The following BRIP1 variants were observed in gnomAD, a reference collection of about 807,000 sequenced individuals.
BRIP1 encodes BRCA1 interacting DNA helicase 1, also known as Fanconi anemia group J protein.
In BRIP1, 88 loss-of-function variants were observed where a neutral mutation model predicts 119.7. The observed-to-expected ratio is 0.74, with a 90% confidence interval of 0.62 to 0.88. The LOEUF (loss-of-function observed/expected upper bound fraction) is 0.88, where lower values mean the gene tolerates loss of function less well. Ranked by LOEUF, BRIP1 falls within the 40% of genes least tolerant of loss-of-function variation. The pLI, the probability that BRIP1 is intolerant of heterozygous loss-of-function variation, is 0.00. For missense variants in BRIP1, 1,259 were observed against 1,455.4 expected (o/e 0.87, Z 2.20); for synonymous variants, 443 against 496.5 (o/e 0.89, Z 1.43).
intron 6 of BRIP1, among the ~76,000 whole-genome samples, chr17:61,826,269 G>A (rs1478632423): frequency 6.6e-6 from 1 of 152,108 alleles, no homozygotes; most frequent in African/African-American, 2.4e-5. Flanking sequence ...AGACTTAAAT[G>A]TAAAACAAAA....
rs1413475803 is a variant in BRIP1 at position 61,760,445 on chromosome 17, T to C, written c.2098-15854A>G. On this transcript the variant is annotated intron_variant, in intron 14 of 19. Coordinates refer to ENST00000259008, the MANE Select transcript of BRIP1 (RefSeq NM_032043.3). This position sits in a 1 kb window ranked among gnomAD's most constrained non-coding sequence, Gnocchi z 4.6. ...GAAAGAAGTAATAAAGATCAGAGAA[T>C]AAATAAATAAAGTAGAGACTAGGAA... is the stretch of plus-strand genomic sequence containing the variant. Among the ~76,000 whole-genome samples, 2 of 151,114 alleles carry C rather than the reference T, an allele frequency of 1.3e-5. No homozygotes were observed. Among genetic ancestry groups the C allele is most frequent in the Non-Finnish European group, 3.0e-5 (2 of 67,660 alleles).
chr17:61,847,056 C>A (rs2078744036), intron 6 of BRIP1, 45 bp downstream of exon 6: 1 of 1,610,848 alleles, frequency 6.2e-7, no homozygotes, highest in South Asian at 1.1e-5. Flanking sequence ...TTAGAAAATT[C>A]CATATCTTCC....
In BRIP1 at chr17:61,784,279, T is replaced by A. The variant is rs4988349; in HGVS notation, c.1619A>T (p.Gln540Leu). Residue 540 changes from glutamine (Q) to leucine (L), a missense_variant, in exon 11 of 20, where the codon CAA (glutamine) becomes CTA (leucine). Around this residue, in one of 3 missense-constraint regions of BRIP1, gnomAD observed 753 missense variants for 891.8 expected, o/e 0.84. Transcript: ENST00000259008. ...AGTTATCTTCACTTACCTGCTATTT[T>A]GCCTAAAAAGATAGTCAAGTACCAT... ...LFMVLDYLFR[Q>L]NSRFADDYKI... 1.7e-5 allele frequency: 28 copies of A among 1,612,486 alleles called. No individual in the cohort carries two copies. The highest frequency in any genetic ancestry group is 4.2e-6 in the Non-Finnish European group (5 of 1,179,084).
chr17:61,788,000 T>G (rs891539912), intron 10 of BRIP1, among the ~76,000 whole-genome samples: 14 of 151,916 alleles, frequency 9.2e-5, no homozygotes, highest in African/African-American at 3.4e-4. Flanking sequence ...TGAGACAGCA[T>G]AGTAAGAAAT....
chr17:61,786,029 C>G (rs2077700208), intron 10 of BRIP1, among the ~76,000 whole-genome samples: 1 of 151,966 alleles, frequency 6.6e-6, no homozygotes, highest in Non-Finnish European at 1.5e-5. Flanking sequence ...AAAATATAAT[C>G]AAGTAAGCTA....
intron 11 of BRIP1, among the ~76,000 whole-genome samples, chr17:61,783,296 G>A (rs2077651400): frequency 6.6e-6 from 1 of 152,088 alleles, no homozygotes; most frequent in Admixed American, 6.6e-5. Context: ...AAATAAGCCA[G>A]ACACAAAAAG....
rs759408257 is a variant in BRIP1 at position 61,686,172 on chromosome 17, A to G, written c.2576-7T>C. ...CGTACCCATTTAGAAAGTCCTAAAG[A>G]AAAAGGTAAACCCAGGGAAAATTTG... is the stretch of plus-strand genomic sequence containing the variant. On this transcript the variant is annotated splice_polypyrimidine_tract_variant and splice_region_variant and intron_variant, in intron 18 of 19. Coordinates refer to ENST00000259008, the MANE Select transcript of BRIP1 (RefSeq NM_032043.3). The surrounding 1 kb of genome is among the most constrained non-coding windows in gnomAD (Gnocchi z 5.4). 13 of 1,613,254 alleles carry G rather than the reference A, an allele frequency of 8.1e-6. No individual in the cohort carries two copies. The highest frequency in any genetic ancestry group is 1.3e-5 in the African/African-American group (1 of 74,918).
Position 61,683,858 on chromosome 17 carries a change from G to C in BRIP1, c.3188C>G (p.Ser1063Trp), listed in dbSNP as rs575998972. 1 of 1,614,120 alleles carries C rather than the reference G, an allele frequency of 6.2e-7. No homozygotes were observed. Among genetic ancestry groups the C allele is most frequent in the East Asian group, 2.2e-5 (1 of 44,878 alleles). ...TTCTGATTGAGGGCATGATCCAAAC[G>C]ATGTGTTTACTGTCAGATTTGAGGA... ...CESSNLTVNT[S>W]FGSCPQSETI... The change falls in exon 20 of 20, where the codon TCG becomes TGG. Residue 1063 changes from serine to tryptophan, a missense_variant. Physicochemically the swap from Ser to Trp is radical, Grantham distance 177. Transcript: ENST00000259008. The surrounding 1 kb of genome is among the most constrained non-coding windows in gnomAD (Gnocchi z 4.7).
chr17:61,836,312 T>C (rs2078573757), intron 6 of BRIP1, among the ~76,000 whole-genome samples: 1 of 151,912 alleles, frequency 6.6e-6, no homozygotes, highest in Admixed American at 6.6e-5. Flanking sequence ...GACAGGGTCT[T>C]GCTATGTTGC....
chr17:61,857,542 G>A lies in BRIP1; in HGVS notation c.206-311C>T, dbSNP rs2078915390. ...AGTTTGAGACCAGCCTGGCCAATAT[G>A]GTAAAACCCTGTCTCTACTAAAAAT... is the stretch of plus-strand genomic sequence containing the variant. On this transcript the variant is annotated intron_variant, in intron 3 of 19. Coordinates refer to ENST00000259008, the MANE Select transcript of BRIP1 (RefSeq NM_032043.3). This position sits in a 1 kb window ranked among gnomAD's most constrained non-coding sequence, Gnocchi z 5.1. Among the ~76,000 whole-genome samples, 1 of 152,044 alleles carries A rather than the reference G, an allele frequency of 6.6e-6. No individual in the cohort carries two copies. The highest frequency in any genetic ancestry group is 2.4e-5 in the African/African-American group (1 of 41,412).
intron 18 of BRIP1, among the ~76,000 whole-genome samples, chr17:61,692,167 T>A (rs562818674): frequency 7.2e-5 from 11 of 152,342 alleles, no homozygotes; most frequent in Non-Finnish European, 1.2e-4. Context: ...CAGATGCTGA[T>A]GCCATGATTC....
In BRIP1 at chr17:61,862,655, A is replaced by G. The variant is rs967162286; in HGVS notation, c.-31+629T>C. Among the ~76,000 whole-genome samples, 2 of 152,232 alleles carry G rather than the reference A, an allele frequency of 1.3e-5. No homozygotes were observed. The highest frequency in any genetic ancestry group is 2.9e-5 in the Non-Finnish European group (2 of 68,038). ...TTTCTCTTCCCGTAAATATATCTCA[A>G]GGAAATCAAAATAGCGGGGGAAATT... is the stretch of plus-strand genomic sequence containing the variant. On this transcript the variant is annotated intron_variant, in intron 1 of 19. Coordinates refer to ENST00000259008, the MANE Select transcript of BRIP1 (RefSeq NM_032043.3). This position sits in a 1 kb window ranked among gnomAD's most constrained non-coding sequence, Gnocchi z 5.3.
rs571944153 is a variant in BRIP1, at chr17:61,789,867, A to ATTT, written c.1473+3729_1473+3730insAAA. On this transcript the variant is annotated intron_variant, in intron 10 of 19. Transcript: ENST00000259008. The surrounding 1 kb of genome is among the most constrained non-coding windows in gnomAD (Gnocchi z 4.8). ...ATAAATCACAATGTTCACAATGTTCATCTTTGAGTTTATGAGTCATTTTTC... is the reference window on the plus strand; with the variant it reads ...ATAAATCACAATGTTCACAATGTTCATTTTCTTTGAGTTTATGAGTCATTTTTC... Among the ~76,000 whole-genome samples the ATTT allele has an allele frequency of 3.4e-3, 525 of 152,294 alleles. 1 individual carries two copies. Among genetic ancestry groups the ATTT allele is most frequent in the African/African-American group, 0.012 (488 of 41,574 alleles).
intron 3 of BRIP1, 138 bp downstream of exon 3, chr17:61,859,658 T>C (rs2078946138): frequency 1.5e-6 from 1 of 679,094 alleles, no homozygotes; most frequent in Non-Finnish European, 2.7e-6. Context: ...GGAAGATTTA[T>C]AACTTATTTC....
rs975965885 is a variant in BRIP1, at chr17:61,734,024, G to A, written c.2379+8989C>T. On this transcript the variant is annotated intron_variant, in intron 16 of 19. Transcript: ENST00000259008. This position sits in a 1 kb window ranked among gnomAD's most constrained non-coding sequence, Gnocchi z 5.2. ...AGAGAAGTAAAGGAACAATACCTAC[G>A]AAGGAGAACTTTTCTATATACTATT... Among the ~76,000 whole-genome samples, 1 of 152,104 alleles carries A rather than the reference G, an allele frequency of 6.6e-6. No homozygotes were observed. The highest frequency in any genetic ancestry group is 6.5e-5 in the Admixed American group (1 of 15,276).
At position 61,799,334 on chromosome 17, in the gene BRIP1, G is replaced by C. The variant is rs773807347; in HGVS notation, c.1141-35C>G. ...AAAAGAATTTTCTTGTAAAACATTTGGCAAAATAGATTTAACAACAGCAGG... is the reference window on the plus strand; with the variant it reads ...AAAAGAATTTTCTTGTAAAACATTTCGCAAAATAGATTTAACAACAGCAGG... On this transcript the variant is annotated intron_variant, in intron 8 of 19. Coordinates refer to ENST00000259008, the MANE Select transcript of BRIP1 (RefSeq NM_032043.3). This position sits in a 1 kb window ranked among gnomAD's most constrained non-coding sequence, Gnocchi z 5.1. 5 of 1,540,886 alleles carry C rather than the reference G, an allele frequency of 3.2e-6. No homozygotes were observed. Among genetic ancestry groups the C allele is most frequent in the Non-Finnish European group, 3.6e-6 (4 of 1,117,922 alleles).
At position 61,795,900 on chromosome 17, in the gene BRIP1, C is replaced by T. The variant is rs749562752; in HGVS notation, c.1341-2171G>A. On this transcript the variant is annotated intron_variant, in intron 9 of 19. Coordinates refer to ENST00000259008, the MANE Select transcript of BRIP1 (RefSeq NM_032043.3). The surrounding 1 kb of genome is among the most constrained non-coding windows in gnomAD (Gnocchi z 5.6). ...GTATACGAGGGTTGTCTTTTCTCCA[C>T]ATCCTTGCCAGCATTTGTTATTGCC... Among the ~76,000 whole-genome samples, 2 of 152,070 alleles carry T rather than the reference C, an allele frequency of 1.3e-5. No individual in the cohort carries two copies. The highest frequency in any genetic ancestry group is 2.9e-5 in the Non-Finnish European group (2 of 67,976).
At chr17:61,820,047 A>C (rs921212283) in intron 6 of BRIP1, among the ~76,000 whole-genome samples, 1 of 151,988 alleles carries the variant, frequency 6.6e-6, no homozygotes, top group African/African-American at 2.4e-5. Flanking sequence ...AAAAAAAAAA[A>C]AAGCAAACCA....
In BRIP1 at chr17:61,720,170, TAGAA is replaced by T. The variant is rs1276224162; in HGVS notation, c.2380-4111_2380-4108del. 6.6e-6 allele frequency among the ~76,000 whole-genome samples: 1 copy of T among 152,132 alleles called. No individual in the cohort carries two copies. The highest frequency in any genetic ancestry group is 1.5e-5 in the Non-Finnish European group (1 of 68,010). On this transcript the variant is annotated intron_variant, in intron 16 of 19. Transcript: ENST00000259008. This position sits in a 1 kb window ranked among gnomAD's most constrained non-coding sequence, Gnocchi z 4.3. Reference sequence around the variant, plus strand: ...TAAAGGATATAAAGTTACAGCTAGATAGAAGGAATAAGTTCTAATCTTTTATACC... The same window carrying T: ...TAAAGGATATAAAGTTACAGCTAGATGGAATAAGTTCTAATCTTTTATACC...
Sources: gnomAD v4.1 joint callset for allele counts (sites outside exome capture counted in the v4.1 genomes callset) on GRCh38, gnomAD v4.1.1 for gene constraint, gnomAD v4.1.1 regional missense constraint, Gnocchi (gnomAD v3.1) non-coding constraint, MANE v1.5 for transcripts, NCBI Gene and HGNC (gene_info 2026-07-23, HGNC 2026-07-21) for gene names.